Variants in FHIT observed in about 807,000 individuals in gnomAD.
The protein encoded by FHIT is fragile histidine triad diadenosine triphosphatase.
In FHIT, 19 loss-of-function variants were observed where a neutral mutation model predicts 17.9. The ratio of observed to expected loss-of-function variants is 1.06; its 90% CI spans 0.74 to 1.56. The LOEUF is 1.56. Among genes scored for constraint, FHIT ranks in the 40% most tolerant of loss-of-function variants. The pLI is 0.00. For missense variants in FHIT, 248 were observed against 189.2 expected (o/e 1.31, Z -1.82); for synonymous variants, 81 against 69.7 (o/e 1.16, Z -0.81).
chr3:59,951,915 T>C (rs1707135993), intron 7 of FHIT, among the ~76,000 whole-genome samples: 1 of 152,158 alleles, frequency 6.6e-6, no homozygotes, highest in South Asian at 2.1e-4. Flanking sequence ...CTTGGCTCAA[T>C]AGTCTCCTGC....
chr3:61,030,080 C>T (rs1431936047), intron 3 of FHIT, among the ~76,000 whole-genome samples: 1 of 152,186 alleles, frequency 6.6e-6, no homozygotes, highest in Non-Finnish European at 1.5e-5. Flanking sequence ...GGTGATCCTC[C>T]TACCTCAGCC....
intron 4 of FHIT, among the ~76,000 whole-genome samples, chr3:60,804,432 A>C (rs1575546257): frequency 6.6e-6 from 1 of 152,224 alleles, no homozygotes; most frequent in Admixed American, 6.5e-5. Flanking sequence ...CTCTGGAGCC[A>C]GGATGCCTAG....
At chr3:60,409,158 C>T (rs914303964) in intron 5 of FHIT, among the ~76,000 whole-genome samples, 2 of 152,150 alleles carry the variant, frequency 1.3e-5, no homozygotes, top group African/African-American at 4.8e-5. Context: ...AAAAGTAAAT[C>T]ATAAGCCCAA....
rs146647076 is a variant in FHIT at position 59,997,741 on chromosome 3, T to C, written c.279+13630A>G. Reference sequence around the variant, plus strand: ...CTTGGGAGCTGACTCATAGTCTTCCTTGACCTAATGAGCATGCTGAGTATA... The same window carrying C: ...CTTGGGAGCTGACTCATAGTCTTCCCTGACCTAATGAGCATGCTGAGTATA... On this transcript the variant is annotated intron_variant, in intron 7 of 9. Coordinates refer to ENST00000492590, the MANE Select transcript of FHIT (RefSeq NM_002012.4). 3.9e-3 allele frequency among the ~76,000 whole-genome samples: 593 copies of C among 152,278 alleles called. 1 individual carries two copies. Among genetic ancestry groups the C allele is most frequent in the Non-Finnish European group, 6.6e-3 (446 of 68,016 alleles).
At position 61,036,918 on chromosome 3, in the gene FHIT, GT is replaced by G. The variant is rs758052063; in HGVS notation, c.-111+5128del. Among the ~76,000 whole-genome samples the G allele has an allele frequency of 2.1e-3, 263 of 125,974 alleles. 7 individuals carry two copies. The highest frequency in any genetic ancestry group is 6.1e-3 in the East Asian group (25 of 4,132). The allele number at this position is 125,974 out of a possible 152,430, so 82.6% of individuals were successfully genotyped here. On this transcript the variant is annotated intron_variant, in intron 3 of 9. Coordinates refer to ENST00000492590, the MANE Select transcript of FHIT (RefSeq NM_002012.4). ...TCTGCTTTGTTTTTTTTTTTTGTTT[GT>G]TTGTTTTTTTGAGATGGAGTCTCGC...
intron 1 of FHIT, among the ~76,000 whole-genome samples, chr3:61,204,264 C>T (rs771810630): frequency 6.6e-5 from 10 of 151,996 alleles, no homozygotes; most frequent in Admixed American, 2.0e-4. Context: ...AGATGGAATA[C>T]GTGAGAGGAA....
At chr3:60,880,661 G>A (rs1366892498) in intron 3 of FHIT, among the ~76,000 whole-genome samples, 1 of 152,228 alleles carries the variant, frequency 6.6e-6, no homozygotes, top group Non-Finnish European at 1.5e-5. Context: ...GTACCCAGGA[G>A]GTGGAGGTTG....
At chr3:60,913,529 G>A (rs1367190683) in intron 3 of FHIT, among the ~76,000 whole-genome samples, 4 of 152,136 alleles carry the variant, frequency 2.6e-5, no homozygotes, top group Admixed American at 6.5e-5. Flanking sequence ...GCACTGCTGT[G>A]GACCACAAAA....
chr3:60,284,624 C>T (rs990747260), intron 5 of FHIT, among the ~76,000 whole-genome samples: 1 of 151,944 alleles, frequency 6.6e-6, no homozygotes, highest in African/African-American at 2.4e-5. Flanking sequence ...TAATTTACAC[C>T]CATTGTTTCT....
chr3:60,422,774 A>G (rs985953895), intron 5 of FHIT, among the ~76,000 whole-genome samples: 2 of 152,136 alleles, frequency 1.3e-5, no homozygotes, highest in Non-Finnish European at 2.9e-5. Flanking sequence ...TGAAAATTCT[A>G]TCACAAACTC....
In FHIT at chr3:59,882,416, G is replaced by A. The variant is rs941565799; in HGVS notation, c.348+39930C>T. On this transcript the variant is annotated intron_variant, in intron 8 of 9. Transcript: ENST00000492590. ...AAACAGATTATCAGGAAGAGAGATCGTTATAGCACCTTGTTTTCACTAACA... is the reference window on the plus strand; with the variant it reads ...AAACAGATTATCAGGAAGAGAGATCATTATAGCACCTTGTTTTCACTAACA... Among the ~76,000 whole-genome samples, 3 of 152,180 alleles carry A rather than the reference G, an allele frequency of 2.0e-5. 1 individual carries two copies. Among genetic ancestry groups the A allele is most frequent in the South Asian group, 2.1e-4 (1 of 4,820 alleles).
At chr3:59,870,511 T>C (rs570294238) in intron 8 of FHIT, among the ~76,000 whole-genome samples, 1 of 152,306 alleles carries the variant, frequency 6.6e-6, no homozygotes, top group East Asian at 1.9e-4. Context: ...AACTAATCCA[T>C]CCCACTCCTA....
chr3:60,041,210 T>A (rs1390053129), intron 5 of FHIT, among the ~76,000 whole-genome samples: 2 of 152,204 alleles, frequency 1.3e-5, no homozygotes, highest in African/African-American at 4.8e-5. Context: ...GAAGGAGACT[T>A]GCAGATCCAA....
At chr3:59,790,647 A>G (rs1053257027) in intron 8 of FHIT, among the ~76,000 whole-genome samples, 1 of 152,182 alleles carries the variant, frequency 6.6e-6, no homozygotes, top group African/African-American at 2.4e-5. Flanking sequence ...AAACACAGGC[A>G]TCAGTGTGCT....
intron 9 of FHIT, 76 bp downstream of exon 9, chr3:59,752,145 A>T: frequency 9.8e-7 from 1 of 1,023,360 alleles, no homozygotes; most frequent in Non-Finnish European, 1.5e-6. Flanking sequence ...GTTTTTGTGC[A>T]TCCCCATTCT....
At position 61,208,429 on chromosome 3, in the gene FHIT, T is replaced by C. The variant is rs1214904060; in HGVS notation, c.-212-7764A>G. On this transcript the variant is annotated intron_variant, in intron 1 of 9. Transcript: ENST00000492590. ...GACAGTGGGGTATTAAAGTCTCCCA[T>C]TATTATTGTGTGGGAGTCTAAGTCT... is the stretch of plus-strand genomic sequence containing the variant. Among the ~76,000 whole-genome samples the C allele has an allele frequency of 2.0e-5, 3 of 152,058 alleles. 1 individual carries two copies. Among genetic ancestry groups the C allele is most frequent in the Non-Finnish European group, 4.4e-5 (3 of 67,972 alleles).
chr3:59,968,461 A>T (rs903072765), intron 7 of FHIT, among the ~76,000 whole-genome samples: 8 of 150,534 alleles, frequency 5.3e-5, no homozygotes, highest in Middle Eastern at 3.4e-3. Context: ...AAAAAGACAC[A>T]AAAAGGAAAA....
chr3:60,499,961 T>C (rs948930989), intron 5 of FHIT, among the ~76,000 whole-genome samples: 13 of 152,208 alleles, frequency 8.5e-5, no homozygotes, highest in African/African-American at 3.1e-4. Context: ...GTTTCATCTT[T>C]TATGGTAAAC....
At chr3:60,860,158 T>TATATCTGAG (rs1703594897) in intron 3 of FHIT, among the ~76,000 whole-genome samples, 2 of 73,068 alleles carry the variant, frequency 2.7e-5, no homozygotes, top group Middle Eastern at 9.6e-3. Context: ...GTATATATGA[T>TATATCTGAG]ATACATCATA....
Sources: allele counts gnomAD v4.1 joint callset (sites outside exome capture counted in the v4.1 genomes callset), GRCh38; gene constraint gnomAD v4.1.1; transcripts MANE v1.5; gene names NCBI Gene and HGNC (gene_info 2026-07-23, HGNC 2026-07-21).